NALCN: variants seen among roughly 807,000 people sequenced by gnomAD.
NALCN encodes the protein sodium leak channel, non-selective.
A neutral mutation model predicts 225.3 loss-of-function variants in NALCN; 111 were observed. The observed-to-expected ratio is 0.49, with a 90% CI of 0.42 to 0.58. NALCN has a LOEUF of 0.58. Among genes scored for constraint, NALCN ranks in the 20% least tolerant of loss-of-function variants. NALCN has a pLI of 0.00. For synonymous variants in NALCN, 764 were observed against 769.0 expected, an observed-to-expected ratio of 0.99 and a Z score of 0.11; for missense variants, 1,378 against 2,202.4, an observed-to-expected ratio of 0.63 and a Z score of 7.49.
At chr13:101,161,241 C>G (rs904571247) in intron 15 of NALCN, among the ~76,000 whole-genome samples, 2 of 152,172 alleles carry the variant, frequency 1.3e-5, no homozygotes, top group Admixed American at 6.5e-5. Flanking sequence ...GGCAGCCATC[C>G]TTCTCCCCTG....
chr13:101,275,103 G>A (rs974717328), intron 10 of NALCN, among the ~76,000 whole-genome samples: 3 of 152,066 alleles, frequency 2.0e-5, no homozygotes, highest in South Asian at 2.1e-4. Flanking sequence ...TGCTGCTCCC[G>A]GCCACGCCTC....
At chr13:101,385,972 T>G (rs1047901900) in intron 3 of NALCN, among the ~76,000 whole-genome samples, 2 of 151,248 alleles carry the variant, frequency 1.3e-5, no homozygotes, top group African/African-American at 4.9e-5. Flanking sequence ...AGTGATGCCA[T>G]TTTTTTTTAC....
rs534699176 is a variant in NALCN, at chr13:101,220,528, T to C, written c.1626+8865A>G. On this transcript the variant is annotated intron_variant, in intron 13 of 43. Transcript: ENST00000251127. ...TTTATTACTCTTCATGGATTTCACC[T>C]TTAGTAACATTTATGTGAAAGGAAA... Among the ~76,000 whole-genome samples the C allele has an allele frequency of 2.6e-5, 4 of 152,306 alleles. No homozygotes were observed. The South Asian group carries it at 6.2e-4, about 24-fold the overall frequency.
intron 27 of NALCN, 96 bp from the exon 28 acceptor site, chr13:101,095,776 C>T: frequency 3.9e-6 from 4 of 1,030,624 alleles, no homozygotes; most frequent in Non-Finnish European, 5.7e-6. Context: ...TCACGGAATC[C>T]CAAAAGCCCT....
At chr13:101,351,481 T>C (rs1470019906) in intron 6 of NALCN, among the ~76,000 whole-genome samples, 1 of 152,188 alleles carries the variant, frequency 6.6e-6, no homozygotes, top group Non-Finnish European at 1.5e-5. Flanking sequence ...ACTAAAATTG[T>C]TGATAATGGC....
At chr13:101,275,501 T>C (rs1437945036) in intron 10 of NALCN, among the ~76,000 whole-genome samples, 2 of 152,184 alleles carry the variant, frequency 1.3e-5, no homozygotes, top group African/African-American at 4.8e-5. Flanking sequence ...CTCATCCCCA[T>C]TTTCCATAAA....
At chr13:101,370,083 CAATA>C (rs1008238059) in intron 6 of NALCN, among the ~76,000 whole-genome samples, 2 of 152,198 alleles carry the variant, frequency 1.3e-5, no homozygotes, top group African/African-American at 4.8e-5. Context: ...ACCATGCCTT[CAATA>C]AATAGTTACT....
chr13:101,235,954 T>C (rs1735948098), intron 12 of NALCN, among the ~76,000 whole-genome samples: 1 of 152,224 alleles, frequency 6.6e-6, no homozygotes, highest in Admixed American at 6.5e-5. Flanking sequence ...ATGCATGTTC[T>C]TTTTCCTAAG....
In NALCN at chr13:101,378,621, A is replaced by G; in HGVS notation, c.324T>C (p.Cys108=). The G allele has an allele frequency of 6.2e-7, 1 of 1,610,272 alleles. No individual in the cohort carries two copies. Among genetic ancestry groups the G allele is most frequent in the Middle Eastern group, 1.7e-4 (1 of 6,042 alleles). Residue 108 remains cysteine, a synonymous_variant, in exon 4 of 44, where the codon TGT becomes TGC. Coordinates refer to ENST00000251127, the MANE Select transcript of NALCN (RefSeq NM_052867.4). ...AAAAGACCATAAATCCATCAAAAAC[A>G]CACCAGCGATCTTTCACATAGGAAC... ...GDSSYVKDRW[C]VFDGFMVFCL...
At chr13:101,346,985 T>G (rs1027456001) in intron 6 of NALCN, among the ~76,000 whole-genome samples, 2 of 152,116 alleles carry the variant, frequency 1.3e-5, no homozygotes, top group African/African-American at 4.8e-5. Context: ...CAAATTGAGG[T>G]AGACTTACCA....
chr13:101,260,821 T>A (rs2042400006), intron 10 of NALCN, among the ~76,000 whole-genome samples: 1 of 152,198 alleles, frequency 6.6e-6, no homozygotes, highest in Non-Finnish European at 1.5e-5. Flanking sequence ...ATTCTGTGTG[T>A]TGTCTCTTCA....
At chr13:101,385,781 C>T (rs1233743812) in intron 3 of NALCN, among the ~76,000 whole-genome samples, 1 of 152,128 alleles carries the variant, frequency 6.6e-6, no homozygotes, top group East Asian at 1.9e-4. Context: ...GTTTACCAAC[C>T]CAGGCCCATT....
chr13:101,200,196 C>A (rs1415538536), intron 13 of NALCN, among the ~76,000 whole-genome samples: 1 of 152,024 alleles, frequency 6.6e-6, no homozygotes, highest in Non-Finnish European at 1.5e-5. Flanking sequence ...TCATATGAAA[C>A]TCCTCATGCC....
At chr13:101,143,724 A>G (rs1163704457) in intron 16 of NALCN, among the ~76,000 whole-genome samples, 1 of 152,200 alleles carries the variant, frequency 6.6e-6, no homozygotes, top group Non-Finnish European at 1.5e-5. Flanking sequence ...TCGGCCTCCC[A>G]AAGTGCTGGG....
chr13:101,132,718 G>T (rs2036577854), intron 17 of NALCN, among the ~76,000 whole-genome samples: 1 of 152,020 alleles, frequency 6.6e-6, no homozygotes, highest in African/African-American at 2.4e-5. Flanking sequence ...CTAGAACTCT[G>T]GATCATGCAG....
At chr13:101,234,646 C>A (rs2041479813) in intron 12 of NALCN, among the ~76,000 whole-genome samples, 1 of 152,318 alleles carries the variant, frequency 6.6e-6, no homozygotes, top group South Asian at 2.1e-4. Context: ...TAACTGAGAT[C>A]ATTTTTATTC....
chr13:101,085,507 A>G (rs532251441), intron 30 of NALCN, among the ~76,000 whole-genome samples: 1 of 152,260 alleles, frequency 6.6e-6, no homozygotes, highest in South Asian at 2.1e-4. Flanking sequence ...TCTAATTGAC[A>G]ACAATTAATT....
chr13:101,325,201 A>C (rs949861829), intron 7 of NALCN, among the ~76,000 whole-genome samples: 5 of 152,200 alleles, frequency 3.3e-5, no homozygotes, highest in Non-Finnish European at 5.9e-5. Context: ...GGCTGACTTT[A>C]TGAAATATCT....
chr13:101,099,634 T>C (rs2034699696), intron 27 of NALCN, among the ~76,000 whole-genome samples: 1 of 152,214 alleles, frequency 6.6e-6, no homozygotes, highest in African/African-American at 2.4e-5. Context: ...TTTATGATAT[T>C]ACAAAAATTG....
Sources: gnomAD v4.1 joint callset for allele counts (sites outside exome capture counted in the v4.1 genomes callset) on GRCh38, gnomAD v4.1.1 for gene constraint, MANE v1.5 for transcripts, NCBI Gene and HGNC (gene_info 2026-07-23, HGNC 2026-07-21) for gene names.